The following SFMBT2 variants were observed in gnomAD, a reference collection of about 807,000 sequenced individuals.
The protein encoded by SFMBT2 is Scm like with four mbt domains 2.
In SFMBT2, 38 loss-of-function variants were observed where a neutral mutation model predicts 110.1. The observed-to-expected ratio is 0.35, with a 90% confidence interval of 0.27 to 0.45. The LOEUF is 0.45. SFMBT2 is among the 20% of genes least tolerant of loss of function. SFMBT2 has a pLI of 1.00. For missense variants in SFMBT2, 1,011 were observed against 1,094.9 expected (o/e 0.92, Z 1.08); for synonymous variants, 425 against 425.4 (o/e 1.00, Z 0.01).
chr10:7,302,406 C>T (rs1020153593), intron 4 of SFMBT2, among the ~76,000 whole-genome samples: 1 of 152,190 alleles, frequency 6.6e-6, no homozygotes, highest in African/African-American at 2.4e-5. Flanking sequence ...TAGTTAGCCA[C>T]AAAGAGAATA....
At chr10:7,210,772 C>G (rs1205050332) in intron 11 of SFMBT2, among the ~76,000 whole-genome samples, 1 of 152,208 alleles carries the variant, frequency 6.6e-6, no homozygotes, top group African/African-American at 2.4e-5. Flanking sequence ...GCGCGCAAAG[C>G]CTCCCTGGGT....
intron 7 of SFMBT2, among the ~76,000 whole-genome samples, chr10:7,258,707 T>C (rs541775646): frequency 4.6e-5 from 7 of 152,342 alleles, no homozygotes; most frequent in Non-Finnish European, 8.8e-5. Flanking sequence ...TATGATATCA[T>C]TCTTCTTTTG....
Position 7,160,786 on chromosome 10 carries a change from C to T in SFMBT2, c.*2984G>A, listed in dbSNP as rs1305107709. 3.3e-5 allele frequency: 5 copies of T among 152,214 alleles called. No individual in the cohort carries two copies. Among genetic ancestry groups the T allele is most frequent in the Admixed American group, 3.3e-4 (5 of 15,282 alleles). 9.4% of individuals were successfully genotyped at this position (152,214 alleles called of 1,614,324 possible). A position where few individuals can be genotyped will look rare whatever the true frequency, so the allele number is the denominator to read the frequency against. ...TGAATCCTACAGAGAAATGAAAACA[C>T]ATTACAATTCTGTACCAGAACTGCT... On this transcript the variant is annotated 3_prime_UTR_variant, in exon 21 of 21. Coordinates refer to ENST00000397167, the MANE Select transcript of SFMBT2 (RefSeq NM_001387889.1).
At position 7,358,790 on chromosome 10, in the gene SFMBT2, G is replaced by C. The variant is rs115376707; in HGVS notation, c.436+8859C>G. 4.0e-3 allele frequency among the ~76,000 whole-genome samples: 608 copies of C among 150,940 alleles called. 6 individuals are homozygous for C. The highest frequency in any genetic ancestry group is 0.014 in the African/African-American group (573 of 41,122). Reference sequence around the variant, plus strand: ...AGAACATCTGCATGGCCCTGGAATGGAGGCATGGTGGCCCTGGAATGGAGG... The same window carrying C: ...AGAACATCTGCATGGCCCTGGAATGCAGGCATGGTGGCCCTGGAATGGAGG... On this transcript the variant is annotated intron_variant, in intron 4 of 20. Coordinates refer to ENST00000397167, the MANE Select transcript of SFMBT2 (RefSeq NM_001387889.1).
Position 7,228,695 on chromosome 10 carries a change from CTTTCTTTCTT to C in SFMBT2, c.1121-768_1121-759del, listed in dbSNP as rs1454596115. Among the ~76,000 whole-genome samples, 12 of 129,070 alleles carry C rather than the reference CTTTCTTTCTT, an allele frequency of 9.3e-5. No individual in the cohort carries two copies. In the East Asian group the frequency reaches 1.1e-3, roughly 12 times the overall value. 84.7% of individuals were successfully genotyped at this position (129,070 alleles called of 152,430 possible). A position where few individuals can be genotyped will look rare whatever the true frequency, so the allele number is the denominator to read the frequency against. Reference sequence around the variant, plus strand: ...GGCTTCTTTCTTTCTTTCTTTCTTTCTTTCTTTCTTTCTTTCTTTCTTTCTTTCTTTCTTT... The same window carrying C: ...GGCTTCTTTCTTTCTTTCTTTCTTTCTCTTTCTTTCTTTCTTTCTTTCTTT... On this transcript the variant is annotated intron_variant, in intron 9 of 20. Coordinates refer to ENST00000397167, the MANE Select transcript of SFMBT2 (RefSeq NM_001387889.1).
intron 4 of SFMBT2, among the ~76,000 whole-genome samples, chr10:7,356,463 T>G (rs1466856952): frequency 6.6e-6 from 1 of 152,218 alleles, no homozygotes; most frequent in Non-Finnish European, 1.5e-5. Context: ...TCACCCAGGA[T>G]GGAGTGCAGT....
chr10:7,358,824 C>T (rs961015214), intron 4 of SFMBT2, among the ~76,000 whole-genome samples: 1 of 151,786 alleles, frequency 6.6e-6, no homozygotes, highest in African/African-American at 2.4e-5. Context: ...GGCATGGTGG[C>T]CCTGCAATGG....
chr10:7,179,311 C>G (rs998004572), intron 16 of SFMBT2, among the ~76,000 whole-genome samples: 3 of 142,876 alleles, frequency 2.1e-5, no homozygotes, highest in Non-Finnish European at 4.5e-5. Flanking sequence ...TGTGTAGAGA[C>G]TTCCCTCTCC....
At position 7,212,836 on chromosome 10, in the gene SFMBT2, C is replaced by T. The variant is rs181079199; in HGVS notation, c.1331-6908G>A. On this transcript the variant is annotated intron_variant, in intron 11 of 20. Coordinates refer to ENST00000397167, the MANE Select transcript of SFMBT2 (RefSeq NM_001387889.1). ...CAAAGACTTGCAACCAAGCTAAATGCCCATCAATGATAGACGGGATAAAGA... is the reference window on the plus strand; with the variant it reads ...CAAAGACTTGCAACCAAGCTAAATGTCCATCAATGATAGACGGGATAAAGA... 1.2e-4 allele frequency among the ~76,000 whole-genome samples: 19 copies of T among 152,274 alleles called. No individual in the cohort carries two copies. In the East Asian group the frequency reaches 3.1e-3, roughly 25 times the overall value.
chr10:7,245,479 A>G (rs967213248), intron 8 of SFMBT2, among the ~76,000 whole-genome samples: 27 of 152,244 alleles, frequency 1.8e-4, no homozygotes, highest in African/African-American at 6.5e-4. Context: ...GGAAAAGCTT[A>G]GTAAGTTTCA....
Position 7,368,583 on chromosome 10 carries a change from G to A in SFMBT2, c.196-694C>T, listed in dbSNP as rs1287714613. On this transcript the variant is annotated intron_variant, in intron 3 of 20. Transcript: ENST00000397167. The stretch of plus-strand genomic sequence containing the variant: ...TCTGCAGCCTGAAGGACAGCCTCCA[G>A]CTCTGGCCCCCAGGACACTATATTG... 5.3e-5 allele frequency among the ~76,000 whole-genome samples: 8 copies of A among 152,324 alleles called. No homozygotes were observed. The East Asian group carries it at 1.5e-3, about 29-fold the overall frequency.
intron 4 of SFMBT2, among the ~76,000 whole-genome samples, chr10:7,321,829 A>C (rs993145658): frequency 5.3e-5 from 8 of 152,346 alleles, no homozygotes; most frequent in Middle Eastern, 3.4e-3. Flanking sequence ...TTAAAATATA[A>C]TTTCTTACAT....
chr10:7,231,376 A>G (rs999883954), intron 9 of SFMBT2, among the ~76,000 whole-genome samples: 3 of 152,240 alleles, frequency 2.0e-5, no homozygotes, highest in African/African-American at 7.2e-5. Flanking sequence ...AAAACTATAT[A>G]GAAAAATAGC....
intron 4 of SFMBT2, among the ~76,000 whole-genome samples, chr10:7,351,627 C>T (rs1340129372): frequency 6.6e-6 from 1 of 152,150 alleles, no homozygotes; most frequent in Admixed American, 6.5e-5. Flanking sequence ...TGGCTGAGAT[C>T]AGTTATACAT....
At chr10:7,363,693 T>G (rs930464189) in intron 4 of SFMBT2, among the ~76,000 whole-genome samples, 2 of 152,150 alleles carry the variant, frequency 1.3e-5, no homozygotes, top group Non-Finnish European at 2.9e-5. Context: ...ATGTCTTTAT[T>G]AGCAGTGTGA....
chr10:7,263,278 G>A (rs1312003825), intron 7 of SFMBT2, among the ~76,000 whole-genome samples: 4 of 151,386 alleles, frequency 2.6e-5, no homozygotes, highest in Non-Finnish European at 4.4e-5. Flanking sequence ...TTTCTCCCTC[G>A]TCGCCCAGGC....
Position 7,376,646 on chromosome 10 carries a change from C to G in SFMBT2, c.100+5153G>C, listed in dbSNP as rs867614451. ...CCCGAGAGGAGGAGCTTAAAGTGAG[C>G]GGAGATCACACCACTGCACTGCAGC... On this transcript the variant is annotated intron_variant, in intron 2 of 20. Coordinates refer to ENST00000397167, the MANE Select transcript of SFMBT2 (RefSeq NM_001387889.1). 7.3e-5 allele frequency among the ~76,000 whole-genome samples: 9 copies of G among 122,946 alleles called. No homozygotes were observed. In the South Asian group the frequency reaches 2.0e-3, roughly 27 times the overall value. 80.7% of individuals were successfully genotyped at this position (122,946 alleles called of 152,430 possible).
intron 7 of SFMBT2, among the ~76,000 whole-genome samples, chr10:7,255,368 T>C (rs751070427): frequency 3.3e-5 from 5 of 152,234 alleles, no homozygotes; most frequent in Non-Finnish European, 7.3e-5. Context: ...GTTATCAGGA[T>C]ATATTACTAA....
At chr10:7,223,436 T>C (rs1210005064) in intron 10 of SFMBT2, among the ~76,000 whole-genome samples, 2 of 152,224 alleles carry the variant, frequency 1.3e-5, no homozygotes, top group African/African-American at 2.4e-5. Context: ...TGATGAAATG[T>C]CTTTTTTAAT....
Sources: gnomAD v4.1 joint callset for allele counts (sites outside exome capture counted in the v4.1 genomes callset) on GRCh38, gnomAD v4.1.1 for gene constraint, MANE v1.5 for transcripts, NCBI Gene and HGNC (gene_info 2026-07-23, HGNC 2026-07-21) for gene names.